Variants in PRKG1 observed in about 807,000 individuals in gnomAD.
PRKG1 encodes the protein protein kinase cGMP-dependent 1.
Under a neutral mutation model 88.1 loss-of-function variants are expected in PRKG1, and 35 were observed. The ratio of observed to expected loss-of-function variants is 0.40; its 90% CI spans 0.30 to 0.53. PRKG1 has a LOEUF of 0.53. Ranked by LOEUF, PRKG1 falls within the 20% of genes least tolerant of loss-of-function variation. PRKG1 has a pLI of 0.59. For missense variants in PRKG1, 540 were observed against 839.8 expected, an observed-to-expected ratio of 0.64 and a Z score of 4.41; for synonymous variants, 303 against 292.5, an observed-to-expected ratio of 1.04 and a Z score of -0.37.
At chr10:51,437,571 A>G (rs1196106125) in intron 2 of PRKG1, among the ~76,000 whole-genome samples, 2 of 151,970 alleles carry the variant, frequency 1.3e-5, no homozygotes, top group African/African-American at 4.8e-5. Context: ...ATTGTGTTCC[A>G]TGATGATAGT....
At chr10:51,757,700 AG>A (rs1230146217) in intron 3 of PRKG1, among the ~76,000 whole-genome samples, 3 of 152,236 alleles carry the variant, frequency 2.0e-5, no homozygotes, top group African/African-American at 4.8e-5. Flanking sequence ...AAATTTAATT[AG>A]AAAAAAAGTA....
At chr10:51,938,757 C>G (rs1415757103) in intron 5 of PRKG1, among the ~76,000 whole-genome samples, 20 of 152,056 alleles carry the variant, frequency 1.3e-4, no homozygotes, top group Non-Finnish European at 2.9e-5. Context: ...TCAAGTCCCA[C>G]TTTTGCTATT....
At chr10:51,544,324 C>A (rs182508146) in intron 3 of PRKG1, among the ~76,000 whole-genome samples, 1 of 151,604 alleles carries the variant, frequency 6.6e-6, no homozygotes, top group Non-Finnish European at 1.5e-5. Flanking sequence ...TCTGTCCTTG[C>A]GATAGTTTGC....
In PRKG1 at chr10:51,581,796, C is replaced by T. The variant is rs12265338; in HGVS notation, c.592+113960C>T. On this transcript the variant is annotated intron_variant, in intron 3 of 17. Transcript: ENST00000373980. ...TACATACTCTACCTACACAATCCTG[C>T]ATGCAATTTTATATTTACAATAATC... Among the ~76,000 whole-genome samples, 403 of 133,316 alleles carry T rather than the reference C, an allele frequency of 3.0e-3. 43 individuals carry two copies. Among genetic ancestry groups the T allele is most frequent in the African/African-American group, 0.016 (392 of 24,576 alleles). 87.5% of individuals were successfully genotyped at this position (133,316 alleles called of 152,430 possible).
chr10:52,034,621 G>A (rs560858961), intron 5 of PRKG1, among the ~76,000 whole-genome samples: 128 of 151,568 alleles, frequency 8.4e-4, no homozygotes, highest in South Asian at 1.9e-3. Context: ...TACTTCAAGA[G>A]TTAAGAGTGG....
chr10:51,168,302 G>A (rs1177011353), intron 2 of PRKG1, among the ~76,000 whole-genome samples: 1 of 152,070 alleles, frequency 6.6e-6, no homozygotes, highest in Admixed American at 6.6e-5. Flanking sequence ...CAGAAACAGA[G>A]AATACAGCTG....
rs1847365510 is a variant in PRKG1, at chr10:52,104,326, TA to T, written c.936-29509del. Reference sequence around the variant, plus strand: ...AATTGTTAGAGACTATATTGTAAGATAAAAAGGAAGTCATTTAGGGCCTTTA... The same window carrying T: ...AATTGTTAGAGACTATATTGTAAGATAAAAGGAAGTCATTTAGGGCCTTTA... On this transcript the variant is annotated intron_variant, in intron 7 of 17. Transcript: ENST00000373980. Among the ~76,000 whole-genome samples, 4 of 152,142 alleles carry T rather than the reference TA, an allele frequency of 2.6e-5. No homozygotes were observed. The South Asian group carries it at 8.3e-4, about 31-fold the overall frequency.
At chr10:51,434,936 A>G (rs1838876866) in intron 2 of PRKG1, among the ~76,000 whole-genome samples, 1 of 152,108 alleles carries the variant, frequency 6.6e-6, no homozygotes, top group South Asian at 2.1e-4. Flanking sequence ...TATATACAAC[A>G]AAGCAAACAG....
chr10:51,442,816 A>C (rs959081085), intron 2 of PRKG1, among the ~76,000 whole-genome samples: 1 of 152,180 alleles, frequency 6.6e-6, no homozygotes. Context: ...GCTGTAGCAT[A>C]GCCAACCTCT....
At chr10:51,961,567 A>C (rs1316403721) in intron 5 of PRKG1, among the ~76,000 whole-genome samples, 1 of 152,200 alleles carries the variant, frequency 6.6e-6, no homozygotes, top group East Asian at 1.9e-4. Flanking sequence ...TACACAGTAG[A>C]GATGGATGTG....
At chr10:51,082,889 T>C (rs1251445429) in intron 1 of PRKG1, among the ~76,000 whole-genome samples, 1 of 152,164 alleles carries the variant, frequency 6.6e-6, no homozygotes, top group African/African-American at 2.4e-5. Context: ...ATACATTTGC[T>C]GGGCACCACC....
At chr10:51,139,953 T>C (rs1845783808) in intron 1 of PRKG1, among the ~76,000 whole-genome samples, 1 of 152,224 alleles carries the variant, frequency 6.6e-6, no homozygotes. Flanking sequence ...TGCAAGACCA[T>C]GTCTAAAACA....
intron 2 of PRKG1, among the ~76,000 whole-genome samples, chr10:51,172,239 C>T (rs1436596775): frequency 6.6e-6 from 1 of 152,000 alleles, no homozygotes; most frequent in African/African-American, 2.4e-5. Flanking sequence ...TCTATTTAAG[C>T]TGAATGCTGC....
intron 3 of PRKG1, among the ~76,000 whole-genome samples, chr10:51,497,478 T>G (rs1840892616): frequency 6.6e-6 from 1 of 152,200 alleles, no homozygotes; most frequent in African/African-American, 2.4e-5. Flanking sequence ...ATCAGACTAT[T>G]TAATGTGAAA....
chr10:51,790,972 A>G (rs1277470842), intron 3 of PRKG1, among the ~76,000 whole-genome samples: 1 of 152,144 alleles, frequency 6.6e-6, no homozygotes, highest in East Asian at 1.9e-4. Context: ...TTCTTAGCAC[A>G]AGATTCAACC....
chr10:51,221,516 T>G (rs1372086345), intron 2 of PRKG1, among the ~76,000 whole-genome samples: 2 of 152,104 alleles, frequency 1.3e-5, no homozygotes, highest in African/African-American at 4.8e-5. Context: ...TTTTACAATG[T>G]TTGTAAATGT....
chr10:51,114,055 G>A (rs1465466040), intron 1 of PRKG1, among the ~76,000 whole-genome samples: 9 of 149,940 alleles, frequency 6.0e-5, no homozygotes, highest in Non-Finnish European at 5.9e-5. Flanking sequence ...GATTTCCTTA[G>A]CTCAGAAACA....
intron 12 of PRKG1, among the ~76,000 whole-genome samples, chr10:52,275,735 A>C (rs1841857948): frequency 6.6e-6 from 1 of 151,870 alleles, no homozygotes; most frequent in African/African-American, 2.4e-5. Flanking sequence ...TGGTATTTTG[A>C]TAGGGATTGC....
intron 5 of PRKG1, among the ~76,000 whole-genome samples, chr10:51,949,373 G>A (rs1010891196): frequency 6.6e-6 from 1 of 152,040 alleles, no homozygotes; most frequent in South Asian, 2.1e-4. Flanking sequence ...GGCACTTTGG[G>A]AGGCCAAGGC....
Sources: gnomAD v4.1 joint callset for allele counts (sites outside exome capture counted in the v4.1 genomes callset) on GRCh38, gnomAD v4.1.1 for gene constraint, MANE v1.5 for transcripts, NCBI Gene and HGNC (gene_info 2026-07-23, HGNC 2026-07-21) for gene names.